Variants in CROT observed in about 807,000 individuals in gnomAD.
The protein encoded by CROT is carnitine O-octanoyltransferase.
Under a neutral mutation model 89.2 loss-of-function variants are expected in CROT, and 84 were observed. The ratio of observed to expected loss-of-function variants is 0.94; its 90% CI spans 0.79 to 1.13. The LOEUF is 1.13. Ranked by LOEUF, CROT falls within the 50% of genes most tolerant of loss-of-function variation. The pLI, the probability that CROT is intolerant of heterozygous loss-of-function variation, is 0.00. For missense variants in CROT, 711 were observed against 727.8 expected (o/e 0.98, Z 0.27); for synonymous variants, 212 against 239.5 (o/e 0.89, Z 1.06).
chr7:87,361,415 C>G lies in CROT; in HGVS notation c.266C>G (p.Ala89Gly). ...CTGGAAGAGTGGTGGCTGAATGTTG[C>G]CTATCTGGATGTTCGTATACCATCA... ...NWLEEWWLNV[A>G]YLDVRIPSQL... The change falls in exon 5 of 18, where the codon GCC becomes GGC. Residue 89 changes from alanine (A) to glycine (G), a missense_variant. Transcript: ENST00000331536. 2 of 1,613,024 alleles carry G rather than the reference C, an allele frequency of 1.2e-6. No individual in the cohort carries two copies. Among genetic ancestry groups the G allele is most frequent in the Non-Finnish European group, 1.7e-6 (2 of 1,179,780 alleles).
intron 4 of CROT, among the ~76,000 whole-genome samples, chr7:87,360,310 G>A (rs1045942531): frequency 1.3e-5 from 2 of 152,108 alleles, no homozygotes; most frequent in African/African-American, 4.8e-5. Context: ...AAATTACTTT[G>A]AAGCCTACTG....
At chr7:87,353,086 A>G (rs1180938041) in intron 3 of CROT, among the ~76,000 whole-genome samples, 1 of 152,174 alleles carries the variant, frequency 6.6e-6, no homozygotes, top group Non-Finnish European at 1.5e-5. Context: ...ATTAGTTAAT[A>G]GCACTTGATA....
At chr7:87,365,251 G>A (rs749340887) in intron 6 of CROT, among the ~76,000 whole-genome samples, 9 of 152,156 alleles carry the variant, frequency 5.9e-5, no homozygotes, top group Non-Finnish European at 1.2e-4. Context: ...CACTTTGGGA[G>A]GCCTAGGTGG....
At chr7:87,348,900 C>A in intron 2 of CROT, 148 bp from the exon 3 acceptor site, 1 of 441,832 alleles carries the variant, frequency 2.3e-6, no homozygotes, top group Non-Finnish European at 4.1e-6. Context: ...CTCTATCTGA[C>A]AGATTTATAA....
At position 87,361,755 on chromosome 7, in the gene CROT, A is replaced by C; in HGVS notation, c.450A>C (p.Gly150=). 1 of 1,597,532 alleles carries C rather than the reference A, an allele frequency of 6.3e-7. No individual in the cohort carries two copies. Residue 150 remains glycine (G), a synonymous_variant, in exon 6 of 18, where the codon GGA becomes GGC. Transcript: ENST00000331536. Reference sequence around the variant, plus strand: ...AAAAAGTGCCTGTTCATAAAGTTGGAAATACTCCTCTAGATATGAATCAAT... The same window carrying C: ...AAAAAGTGCCTGTTCATAAAGTTGGCAATACTCCTCTAGATATGAATCAAT... ...RKEKVPVHKV[G]NTPLDMNQFR... is the part of the protein sequence containing the mutation.
Position 87,391,582 on chromosome 7 carries a change from C to T in CROT, c.1302-7C>T. On this transcript the variant is annotated splice_region_variant and splice_polypyrimidine_tract_variant and intron_variant, in intron 13 of 17. Coordinates refer to ENST00000331536, the MANE Select transcript of CROT (RefSeq NM_021151.4). ...TTATGATACACTCTTTTAATTTTTT[C>T]TTGTAGCCCTGGTTGTTGCTATGAA... is the stretch of plus-strand genomic sequence containing the variant. 1 of 1,582,542 alleles carries T rather than the reference C, an allele frequency of 6.3e-7. No individual in the cohort carries two copies. Among genetic ancestry groups the T allele is most frequent in the Non-Finnish European group, 8.5e-7 (1 of 1,170,886 alleles).
rs1163429715 is a variant in CROT, at chr7:87,399,206, G to A, written c.*562G>A. 6.5e-6 allele frequency: 1 copy of A among 153,398 alleles called. No homozygotes were observed. Among genetic ancestry groups the A allele is most frequent in the African/African-American group, 2.4e-5 (1 of 41,436 alleles). 9.5% of individuals were successfully genotyped at this position (153,398 alleles called of 1,614,324 possible). A position where few individuals can be genotyped will look rare whatever the true frequency, so the allele number is the denominator to read the frequency against. ...ATAACTTTTTTGGGCTGGGTGCAGTGGCTCATGCCTATAATCTTAGCACTT... is the reference window on the plus strand; with the variant it reads ...ATAACTTTTTTGGGCTGGGTGCAGTAGCTCATGCCTATAATCTTAGCACTT... On this transcript the variant is annotated 3_prime_UTR_variant, in exon 18 of 18. Transcript: ENST00000331536.
chr7:87,346,663 C>T (rs1805689488), intron 2 of CROT, among the ~76,000 whole-genome samples: 1 of 152,168 alleles, frequency 6.6e-6, no homozygotes, highest in Non-Finnish European at 1.5e-5. Flanking sequence ...GGGTTAAGCA[C>T]TATAGTGGGT....
intron 10 of CROT, 147 bp from the exon 11 acceptor site, chr7:87,381,763 T>G (rs375807760): frequency 3.6e-6 from 2 of 555,846 alleles, no homozygotes; most frequent in South Asian, 5.7e-5. Flanking sequence ...GGGAATCTTC[T>G]ATCTTATCAT....
chr7:87,349,148 C>A lies in CROT; in HGVS notation c.80C>A (p.Ser27Ter). The A allele has an allele frequency of 6.3e-7, 1 of 1,599,860 alleles. No homozygotes were observed. Among genetic ancestry groups the A allele is most frequent in the Non-Finnish European group, 8.5e-7 (1 of 1,170,262 alleles). The change falls in exon 3 of 18, where the codon TCA (serine) becomes TAA (stop). Residue 27 changes from serine (S) to a stop codon, truncating the protein, a stop_gained. Transcript: ENST00000331536. LOFTEE classifies it high-confidence loss of function. ...TCTCTTCCATCACTGCCTGTTCCTT[C>A]ACTTGAAGAATCATTAAAAAAATAC... ...QDSLPSLPVPSLEESLKKYLE... is the reference protein window; with the variant it reads ...QDSLPSLPVP
chr7:87,377,712 C>G (rs1806855328), intron 10 of CROT, among the ~76,000 whole-genome samples: 1 of 152,032 alleles, frequency 6.6e-6, no homozygotes, highest in African/African-American at 2.4e-5. Flanking sequence ...GCTCTTAAAA[C>G]CCAGTATTAT....
chr7:87,388,405 A>G (rs368031532), intron 13 of CROT, among the ~76,000 whole-genome samples: 337 of 152,352 alleles, frequency 2.2e-3, no homozygotes, highest in African/African-American at 7.6e-3. Flanking sequence ...CCAAAACAGC[A>G]TGTTACTGGT....
At chr7:87,377,739 C>T (rs1007565584) in intron 10 of CROT, among the ~76,000 whole-genome samples, 2 of 151,902 alleles carry the variant, frequency 1.3e-5, no homozygotes, top group African/African-American at 4.8e-5. Flanking sequence ...GCTGAGAATA[C>T]CTATTTCAAA....
rs1322687278 is a variant in CROT at position 87,392,937 on chromosome 7, G to A, written c.1599-11G>A. 1.9e-5 allele frequency: 31 copies of A among 1,613,280 alleles called. No homozygotes were observed. The highest frequency in any genetic ancestry group is 2.2e-5 in the Non-Finnish European group (26 of 1,179,588). On this transcript the variant is annotated splice_polypyrimidine_tract_variant and intron_variant, in intron 16 of 17. Transcript: ENST00000331536. ...AGGCCTAGTAAAATGTTCTTTTATTGTGCCACACAGCGGAGGAGGTGGAAA... is the reference window on the plus strand; with the variant it reads ...AGGCCTAGTAAAATGTTCTTTTATTATGCCACACAGCGGAGGAGGTGGAAA...
At chr7:87,362,903 G>A (rs1222944952) in intron 6 of CROT, among the ~76,000 whole-genome samples, 2 of 152,046 alleles carry the variant, frequency 1.3e-5, no homozygotes, top group African/African-American at 2.4e-5. Context: ...TTACATGCTT[G>A]AGATATTTAA....
intron 10 of CROT, among the ~76,000 whole-genome samples, chr7:87,378,180 C>T (rs1806869518): frequency 6.6e-6 from 1 of 151,776 alleles, no homozygotes. Flanking sequence ...CCCGTCTCTA[C>T]AAAAAATACA....
chr7:87,360,220 A>G (rs752631348), intron 4 of CROT: 117 of 477,750 alleles, frequency 2.4e-4, no homozygotes, highest in Non-Finnish European at 2.4e-4. Context: ...TAATTTGATA[A>G]GATGTGCTTA....
At chr7:87,369,512 T>C (rs372251579) in intron 7 of CROT, 28 bp downstream of exon 7, 102 of 1,494,832 alleles carry the variant, frequency 6.8e-5, no homozygotes, top group Non-Finnish European at 8.8e-5. Context: ...TTGAGTTTCA[T>C]TAGGTCTTAT....
intron 6 of CROT, among the ~76,000 whole-genome samples, chr7:87,363,776 A>T (rs1341375018): frequency 6.6e-6 from 1 of 152,218 alleles, no homozygotes; most frequent in Non-Finnish European, 1.5e-5. Flanking sequence ...AGGTGAGACA[A>T]GTTTATAAGC....
Sources: gnomAD v4.1 joint callset for allele counts (sites outside exome capture counted in the v4.1 genomes callset) on GRCh38, gnomAD v4.1.1 for gene constraint, MANE v1.5 for transcripts, NCBI Gene and HGNC (gene_info 2026-07-23, HGNC 2026-07-21) for gene names.